RUNX1T1: variants seen among roughly 807,000 people sequenced by gnomAD.
RUNX1T1 encodes the protein RUNX1 partner transcriptional co-repressor 1.
RUNX1T1 carries 4 observed loss-of-function variants against 62.8 expected under a neutral mutation model. The ratio of observed to expected loss-of-function variants is 0.06; its 90% CI spans 0.03 to 0.15. The LOEUF is 0.15. Ranked by LOEUF, RUNX1T1 falls within the 10% of genes least tolerant of loss-of-function variation. The pLI is 1.00. For missense variants in RUNX1T1, 508 were observed against 754.3 expected (o/e 0.67, Z 3.82); for synonymous variants, 291 against 286.0 (o/e 1.02, Z -0.18).
intron 1 of RUNX1T1, among the ~76,000 whole-genome samples, chr8:92,053,336 C>A (rs1176490779): frequency 1.3e-5 from 2 of 152,048 alleles, no homozygotes; most frequent in African/African-American, 2.4e-5. Flanking sequence ...ACCCAGTATG[C>A]CTGATGGGAG....
At chr8:92,007,967 C>CAAAAAAAAAAAAAAAAAA (rs34232877) in intron 4 of RUNX1T1, among the ~76,000 whole-genome samples, 1 of 85,402 alleles carries the variant, frequency 1.2e-5, no homozygotes, top group African/African-American at 3.8e-5. Context: ...GACTTTGTTT[C>CAAAAAAAAAAAAAAAAAA]AAAAAAAAAA....
chr8:92,017,578 G>A (rs1410979280), intron 1 of RUNX1T1: 1 of 1,429,404 alleles, frequency 7.0e-7, no homozygotes, highest in Non-Finnish European at 9.1e-7. Context: ...TTGTAACTAG[G>A]TTATATTATA....
chr8:92,029,949 C>A (rs1825925257), intron 1 of RUNX1T1, among the ~76,000 whole-genome samples: 3 of 152,130 alleles, frequency 2.0e-5, no homozygotes, highest in South Asian at 4.1e-4. Context: ...TTCTAATGAT[C>A]CGATCAAGTC....
intron 5 of RUNX1T1, chr8:92,003,252 AT>A: frequency 2.4e-6 from 1 of 424,746 alleles, no homozygotes; most frequent in Non-Finnish European, 4.8e-6. Context: ...CCTCTGTGGA[AT>A]TTAAGATGAA....
At chr8:92,049,205 A>C (rs1563844915) in intron 1 of RUNX1T1, among the ~76,000 whole-genome samples, 1 of 152,224 alleles carries the variant, frequency 6.6e-6, no homozygotes, top group Admixed American at 6.5e-5. Context: ...AGTTTCACAA[A>C]GGCTGTTTCT....
intron 4 of RUNX1T1, chr8:92,009,851 G>A (rs980559002): frequency 7.9e-5 from 12 of 151,410 alleles, no homozygotes; most frequent in South Asian, 2.1e-4. Context: ...AGAAAAGAAC[G>A]AAAAGAATAT....
intron 5 of RUNX1T1, among the ~76,000 whole-genome samples, chr8:92,003,748 T>A (rs1437186542): frequency 1.3e-5 from 2 of 152,210 alleles, no homozygotes; most frequent in Non-Finnish European, 2.9e-5. Context: ...CATGTGGACA[T>A]GCCACTCAGG....
exon 11 of RUNX1T1, chr8:91,959,022 A>G (rs1809817621): frequency 4.8e-6 from 1 of 210,118 alleles, no homozygotes; most frequent in African/African-American, 2.3e-5. Context: ...GCATAGAAAG[A>G]TACAGGTTTC....
chr8:92,092,071 C>A (rs1172109323), intron 1 of RUNX1T1, among the ~76,000 whole-genome samples: 1 of 152,172 alleles, frequency 6.6e-6, no homozygotes, highest in Non-Finnish European at 1.5e-5. Context: ...ATTACTATAG[C>A]CACAAGCCCA....
Position 91,986,989 on chromosome 8 carries a change from G to A in RUNX1T1, c.911-17C>T, listed in dbSNP as rs780885511. 3 of 1,548,812 alleles carry A rather than the reference G, an allele frequency of 1.9e-6. No homozygotes were observed. The highest frequency in any genetic ancestry group is 2.7e-5 in the African/African-American group (2 of 73,596). ...CATGCAACCCTACAAAAATAGAGAA[G>A]GCTGAATAACCCTAAAGCATTCAGT... On this transcript the variant is annotated splice_polypyrimidine_tract_variant and intron_variant, in intron 6 of 10. Transcript: ENST00000396218.
chr8:92,040,939 G>A (rs1341790358), intron 1 of RUNX1T1, among the ~76,000 whole-genome samples: 1 of 152,006 alleles, frequency 6.6e-6, no homozygotes, highest in African/African-American at 2.4e-5. Context: ...AAATTCCTGG[G>A]TTCAAACAAT....
intron 6 of RUNX1T1, among the ~76,000 whole-genome samples, chr8:91,990,829 T>G (rs1238281095): frequency 6.6e-6 from 1 of 152,062 alleles, no homozygotes; most frequent in African/African-American, 2.4e-5. Flanking sequence ...GGCTAATTTT[T>G]GTACTTTTAG....
At chr8:92,098,050 G>A (rs944592738) in intron 1 of RUNX1T1, among the ~76,000 whole-genome samples, 1 of 152,148 alleles carries the variant, frequency 6.6e-6, no homozygotes, top group Non-Finnish European at 1.5e-5. Flanking sequence ...CCTATAAAAG[G>A]AAGAAGTCCA....
intron 5 of RUNX1T1, among the ~76,000 whole-genome samples, chr8:91,992,508 C>A (rs1817879453): frequency 6.6e-6 from 1 of 152,200 alleles, no homozygotes; most frequent in African/African-American, 2.4e-5. Context: ...CAGTAGTGGA[C>A]TGCACAGATA....
chr8:91,970,891 A>T (rs1158626082), intron 9 of RUNX1T1, 43 bp from the exon 11 acceptor site: 1 of 1,475,178 alleles, frequency 6.8e-7, no homozygotes. Context: ...AACACCTCTC[A>T]GTTAGCCGAA....
chr8:92,034,088 G>A (rs938712848), intron 1 of RUNX1T1, among the ~76,000 whole-genome samples: 3 of 152,076 alleles, frequency 2.0e-5, no homozygotes, highest in Non-Finnish European at 4.4e-5. Flanking sequence ...TTAAAGAGGC[G>A]GAGTTATCTA....
chr8:91,987,351 A>G lies in RUNX1T1; in HGVS notation c.911-379T>C, dbSNP rs2130836419. ...GGTTTTTAAAGCATTGCTGTCCTGC[A>G]TTAAAAATAAAGACAGCATAAGTCA... On this transcript the variant is annotated intron_variant, in intron 6 of 10. Transcript: ENST00000396218. Among the ~76,000 whole-genome samples the G allele has an allele frequency of 1.3e-5, 2 of 152,320 alleles. 1 individual carries two copies. The highest frequency in any genetic ancestry group is 4.1e-4 in the South Asian group (2 of 4,828).
At chr8:92,033,384 G>C (rs1050919736) in intron 1 of RUNX1T1, among the ~76,000 whole-genome samples, 5 of 152,176 alleles carry the variant, frequency 3.3e-5, no homozygotes, top group African/African-American at 1.2e-4. Context: ...AGATGGATGT[G>C]TATGTGTTTG....
At chr8:92,004,965 C>T in intron 5 of RUNX1T1, 151 bp downstream of exon 6, 3 of 673,698 alleles carry the variant, frequency 4.5e-6, no homozygotes, top group Non-Finnish European at 7.2e-6. Flanking sequence ...AATCCCAGGC[C>T]AGAGCCAGAT....
Sources: allele counts gnomAD v4.1 joint callset (sites outside exome capture counted in the v4.1 genomes callset), GRCh38; gene constraint gnomAD v4.1.1; transcripts MANE v1.5; gene names NCBI Gene and HGNC (gene_info 2026-07-23, HGNC 2026-07-21).